The following ZNF420 variants were observed in gnomAD, a reference collection of about 807,000 sequenced individuals.
ZNF420 encodes the protein zinc finger protein 420, also known as ATM and p53-associated KZNF protein.
A neutral mutation model predicts 44.7 loss-of-function variants in ZNF420; 31 were observed. The ratio of observed to expected loss-of-function variants is 0.69; its 90% CI spans 0.52 to 0.94. The LOEUF (loss-of-function observed/expected upper bound fraction) is 0.94, where lower values mean the gene tolerates loss of function less well. Ranked by LOEUF, ZNF420 falls within the 40% of genes least tolerant of loss-of-function variation. ZNF420 has a pLI of 0.00. For synonymous variants in ZNF420, 245 were observed against 267.4 expected, an observed-to-expected ratio of 0.92 and a Z score of 0.82; for missense variants, 681 against 827.9, an observed-to-expected ratio of 0.82 and a Z score of 2.18.
chr19:37,026,243 C>T (rs986810513), intron 1 of ZNF420, among the ~76,000 whole-genome samples: 1 of 151,692 alleles, frequency 6.6e-6, no homozygotes, highest in African/African-American at 2.4e-5. Flanking sequence ...CTGCAACCTC[C>T]GCCTCCTGGG....
intron 4 of ZNF420, chr19:37,092,429 T>C (rs1225578541): frequency 6.6e-6 from 1 of 152,018 alleles, no homozygotes; most frequent in Non-Finnish European, 1.5e-5. Context: ...TTAAGAACTT[T>C]GGGCTCGGCT....
At chr19:37,093,425 G>C (rs1320073716) in intron 4 of ZNF420, among the ~76,000 whole-genome samples, 1 of 152,124 alleles carries the variant, frequency 6.6e-6, no homozygotes, top group African/African-American at 2.4e-5. Context: ...ATTTCACCTT[G>C]TTGGCCAGAC....
intron 1 of ZNF420, among the ~76,000 whole-genome samples, chr19:37,041,967 C>T (rs193074500): frequency 1.9e-4 from 29 of 152,244 alleles, no homozygotes; most frequent in African/African-American, 6.3e-4. Context: ...GTAGTATTCT[C>T]TCCAGCGTCT....
chr19:37,129,884 T>C lies in ZNF420; in HGVS notation c.*826T>C. Reference sequence around the variant, plus strand: ...TAAATCTAGGAATTTTTTAAAAACTTGAATGTATTGCTTTTGAAGTAAACA... The same window carrying C: ...TAAATCTAGGAATTTTTTAAAAACTCGAATGTATTGCTTTTGAAGTAAACA... On this transcript the variant is annotated 3_prime_UTR_variant, in exon 5 of 5. Transcript: ENST00000337995. The C allele has an allele frequency of 9.1e-7, 1 of 1,096,368 alleles. No homozygotes were observed. Among genetic ancestry groups the C allele is most frequent in the South Asian group, 2.1e-5 (1 of 48,504 alleles). The allele number at this position is 1,096,368 out of a possible 1,614,324, so 67.9% of individuals were successfully genotyped here.
chr19:37,041,175 T>G (rs908529886), intron 1 of ZNF420, among the ~76,000 whole-genome samples: 5 of 151,662 alleles, frequency 3.3e-5, no homozygotes, highest in Admixed American at 2.0e-4. Context: ...AATAAAAAAT[T>G]AGTTAGGCAT....
At chr19:37,058,652 G>A (rs1044410126) in intron 1 of ZNF420, among the ~76,000 whole-genome samples, 1 of 152,002 alleles carries the variant, frequency 6.6e-6, no homozygotes, top group Non-Finnish European at 1.5e-5. Context: ...TCTCAGAGGC[G>A]CTATGCTTTT....
At chr19:37,053,313 C>T (rs1318517419) in intron 1 of ZNF420, among the ~76,000 whole-genome samples, 1 of 152,202 alleles carries the variant, frequency 6.6e-6, no homozygotes, top group Non-Finnish European at 1.5e-5. Context: ...CAAACTTCCT[C>T]CTTTAGCTCA....
At chr19:37,097,996 G>C (rs1040157108) in intron 4 of ZNF420, among the ~76,000 whole-genome samples, 1 of 151,576 alleles carries the variant, frequency 6.6e-6, no homozygotes, top group Admixed American at 6.6e-5. Context: ...TTTGAGACAG[G>C]GTCTCCCTCT....
intron 1 of ZNF420, among the ~76,000 whole-genome samples, chr19:37,053,056 C>G (rs2146426847): frequency 6.6e-6 from 1 of 152,212 alleles, no homozygotes; most frequent in African/African-American, 2.4e-5. Flanking sequence ...AGGCTTTGTT[C>G]ATTTCTTTTT....
At chr19:37,120,241 G>A (rs188093470) in intron 4 of ZNF420, among the ~76,000 whole-genome samples, 43 of 152,220 alleles carry the variant, frequency 2.8e-4, no homozygotes, top group African/African-American at 5.3e-4. Context: ...CTGGCAAACC[G>A]AATCCAGCAG....
intron 4 of ZNF420, among the ~76,000 whole-genome samples, chr19:37,114,546 T>C (rs1970556186): frequency 6.6e-6 from 1 of 152,234 alleles, no homozygotes; most frequent in Non-Finnish European, 1.5e-5. Flanking sequence ...GTTTAGACTC[T>C]GATGGCCCCA....
chr19:37,012,553 G>A (rs2074578042), intron 1 of ZNF420, among the ~76,000 whole-genome samples: 1 of 152,224 alleles, frequency 6.6e-6, no homozygotes, highest in Non-Finnish European at 1.5e-5. Context: ...CGGAGTCTGG[G>A]GGAAGCAGCT....
chr19:37,090,749 A>C (rs1969086572), intron 3 of ZNF420, among the ~76,000 whole-genome samples: 1 of 151,910 alleles, frequency 6.6e-6, no homozygotes. Context: ...ATGAAACCTT[A>C]TCTCTACTAA....
At chr19:37,122,720 C>T (rs1321751174) in intron 4 of ZNF420, among the ~76,000 whole-genome samples, 1 of 152,096 alleles carries the variant, frequency 6.6e-6, no homozygotes, top group Admixed American at 6.6e-5. Context: ...TTGCTGTTTC[C>T]TTCTCATCTA....
intron 1 of ZNF420, among the ~76,000 whole-genome samples, chr19:37,067,782 ACACT>A (rs961428160): frequency 3.9e-5 from 6 of 152,182 alleles, no homozygotes; most frequent in African/African-American, 7.2e-5. Context: ...GTGTAATCAA[ACACT>A]CAGCTCATAA....
chr19:37,130,264 C>T lies in ZNF420; in HGVS notation c.*1206C>T. 1 of 1,471,044 alleles carries T rather than the reference C, an allele frequency of 6.8e-7. No individual in the cohort carries two copies. The highest frequency in any genetic ancestry group is 9.0e-7 in the Non-Finnish European group (1 of 1,109,198). 91.1% of individuals were successfully genotyped at this position (1,471,044 alleles called of 1,614,324 possible). On this transcript the variant is annotated 3_prime_UTR_variant, in exon 5 of 5. Transcript: ENST00000337995. ...ACTTTGTGGAACAGCCATACTAGCTCTGGTCTGCTTGCCTCCTGTTTCTCT... is the reference window on the plus strand; with the variant it reads ...ACTTTGTGGAACAGCCATACTAGCTTTGGTCTGCTTGCCTCCTGTTTCTCT...
At chr19:37,114,511 G>A (rs572613416) in intron 4 of ZNF420, among the ~76,000 whole-genome samples, 2 of 152,248 alleles carry the variant, frequency 1.3e-5, no homozygotes, top group South Asian at 2.1e-4. Flanking sequence ...CATCTGAACT[G>A]CTGGGAGAGG....
intron 1 of ZNF420, among the ~76,000 whole-genome samples, chr19:37,037,037 A>T (rs1657467325): frequency 6.6e-6 from 1 of 152,120 alleles, no homozygotes; most frequent in African/African-American, 2.4e-5. Flanking sequence ...CCCTGTCCTC[A>T]CTTGAGAAGC....
intron 4 of ZNF420, among the ~76,000 whole-genome samples, chr19:37,112,346 C>T (rs1258811042): frequency 4.6e-5 from 7 of 152,030 alleles, no homozygotes; most frequent in Non-Finnish European, 1.0e-4. Flanking sequence ...TAATAAATCT[C>T]GACCCCACAG....
Sources: allele counts gnomAD v4.1 joint callset (sites outside exome capture counted in the v4.1 genomes callset), GRCh38; gene constraint gnomAD v4.1.1; transcripts MANE v1.5; gene names NCBI Gene and HGNC (gene_info 2026-07-23, HGNC 2026-07-21).